The following CUL2 variants were observed in gnomAD, a reference collection of about 807,000 sequenced individuals.
CUL2 encodes the protein cullin-2.
A neutral mutation model predicts 110.2 loss-of-function variants in CUL2; 22 were observed. That is an observed-to-expected ratio of 0.20 (90% CI 0.14 to 0.28). CUL2 has a LOEUF of 0.28. Among genes scored for constraint, CUL2 ranks in the 10% least tolerant of loss-of-function variants. CUL2 has a pLI of 1.00. For synonymous variants in CUL2, 279 were observed against 293.2 expected, an observed-to-expected ratio of 0.95 and a Z score of 0.49; for missense variants, 631 against 905.5, an observed-to-expected ratio of 0.70 and a Z score of 3.89.
At chr10:35,071,610 G>A (rs945017800) in intron 1 of CUL2, among the ~76,000 whole-genome samples, 10 of 152,106 alleles carry the variant, frequency 6.6e-5, no homozygotes, top group Admixed American at 3.9e-4. Flanking sequence ...GGGTTTCACT[G>A]TGTTAGCCAG....
intron 1 of CUL2, among the ~76,000 whole-genome samples, chr10:35,086,565 G>C (rs1163928457): frequency 1.3e-5 from 2 of 152,052 alleles, no homozygotes; most frequent in African/African-American, 4.8e-5. Context: ...GGGATTACAG[G>C]CCTGAGCCAC....
chr10:35,082,624 A>C (rs1013003381), intron 1 of CUL2, among the ~76,000 whole-genome samples: 7 of 152,214 alleles, frequency 4.6e-5, no homozygotes, highest in African/African-American at 1.7e-4. Flanking sequence ...CTGATGTCAG[A>C]GAAGTATCTG....
chr10:35,087,575 C>G (rs961446715), intron 1 of CUL2, among the ~76,000 whole-genome samples: 1 of 152,124 alleles, frequency 6.6e-6, no homozygotes, highest in Non-Finnish European at 1.5e-5. Flanking sequence ...CCAACCCCAT[C>G]CCATACAACA....
chr10:35,085,696 C>CA (rs1263412257), intron 1 of CUL2, among the ~76,000 whole-genome samples: 1,983 of 54,666 alleles, frequency 0.036, 43 homozygotes, highest in South Asian at 0.047. Flanking sequence ...GACTCTGTCT[C>CA]AAAAAAAAAA....
intron 9 of CUL2, among the ~76,000 whole-genome samples, chr10:35,035,557 A>G (rs2085600842): frequency 6.6e-6 from 1 of 152,176 alleles, no homozygotes; most frequent in Admixed American, 6.5e-5. Context: ...AATACAGTGT[A>G]CTGTATTTTG....
chr10:35,077,978 CT>C (rs939998644), intron 1 of CUL2, among the ~76,000 whole-genome samples: 2 of 151,914 alleles, frequency 1.3e-5, no homozygotes, highest in African/African-American at 4.8e-5. Flanking sequence ...TTACAATATT[CT>C]TTTTTTGTAT....
intron 11 of CUL2, among the ~76,000 whole-genome samples, chr10:35,032,769 C>G (rs1484227307): frequency 3.3e-5 from 5 of 151,976 alleles, no homozygotes. Context: ...TAAAAAAAAA[C>G]TTACAATCTT....
chr10:35,074,914 G>C (rs980618189), intron 1 of CUL2, among the ~76,000 whole-genome samples: 2 of 152,192 alleles, frequency 1.3e-5, no homozygotes, highest in African/African-American at 4.8e-5. Flanking sequence ...GTAATTACCT[G>C]AGTGTTTCTG....
At chr10:35,041,290 CAA>C (rs1418739120) in intron 8 of CUL2, among the ~76,000 whole-genome samples, 2 of 152,078 alleles carry the variant, frequency 1.3e-5, no homozygotes. Flanking sequence ...AAAAATAAAA[CAA>C]TGATAACTTG....
intron 1 of CUL2, among the ~76,000 whole-genome samples, chr10:35,074,504 C>CT (rs892594917): frequency 2.0e-5 from 3 of 151,530 alleles, no homozygotes; most frequent in East Asian, 3.9e-4. Context: ...GGTCCACTAG[C>CT]TTTTTTTTTG....
intron 1 of CUL2, among the ~76,000 whole-genome samples, chr10:35,124,484 C>A (rs1166354530): frequency 2.6e-5 from 4 of 151,522 alleles, no homozygotes; most frequent in Non-Finnish European, 5.9e-5. Context: ...AAATAACAAA[C>A]AAATGGGTGG....
chr10:35,054,615 A>AAT, intron 4 of CUL2, 76 bp from the exon 5 acceptor site: 1 of 716,296 alleles, frequency 1.4e-6, no homozygotes, highest in South Asian at 2.0e-5. Context: ...ACTTTAGAAG[A>AAT]ATATTTTTAA....
chr10:35,117,361 G>A (rs541176764), intron 1 of CUL2, among the ~76,000 whole-genome samples: 5 of 152,156 alleles, frequency 3.3e-5, no homozygotes, highest in South Asian at 2.1e-4. Flanking sequence ...CTCAGCTCTC[G>A]AGTATTGGGA....
intron 17 of CUL2, among the ~76,000 whole-genome samples, chr10:35,017,061 C>G (rs12268745): frequency 0.34 from 51,247 of 151,720 alleles, 8,682 homozygotes; most frequent in Non-Finnish European, 0.35. Context: ...AGACAAAGGG[C>G]AAAGTGATAT....
chr10:35,035,929 A>G (rs576828530), intron 9 of CUL2, among the ~76,000 whole-genome samples: 1 of 152,240 alleles, frequency 6.6e-6, no homozygotes, highest in South Asian at 2.1e-4. Context: ...ATGATCTCTC[A>G]GTGTAGTAGG....
At chr10:35,011,341 G>A (rs2084897717) in intron 20 of CUL2, among the ~76,000 whole-genome samples, 1 of 151,660 alleles carries the variant, frequency 6.6e-6, no homozygotes, top group Non-Finnish European at 1.5e-5. Flanking sequence ...GTGTCCACTG[G>A]GCATGGTGGC....
intron 1 of CUL2, among the ~76,000 whole-genome samples, chr10:35,075,108 G>A (rs2086781590): frequency 6.6e-6 from 1 of 152,146 alleles, no homozygotes; most frequent in African/African-American, 2.4e-5. Flanking sequence ...GAGACTGATA[G>A]ATTTCTGGTA....
In CUL2 at chr10:35,016,265, A is replaced by T; in HGVS notation, c.1814T>A (p.Met605Lys). The T allele has an allele frequency of 6.2e-7, 1 of 1,614,028 alleles. No homozygotes were observed. The highest frequency in any genetic ancestry group is 8.5e-7 in the Non-Finnish European group (1 of 1,179,970). ...TGTTTTTGTCAGTTCCTTTTCATTC[A>T]TCTGAGTGCTGTCCTGAAGCTCTTT... is the stretch of plus-strand genomic sequence containing the variant. ...SYKELQDSTQ[M>K]NEKELTKTIK... Residue 605 changes from methionine to lysine, a missense_variant, in exon 18 of 21, where the codon ATG (methionine) becomes AAG (lysine). Met to Lys is a moderately conservative substitution (Grantham distance 95). This residue lies in a region of CUL2 where 159 missense variants were observed against 202.7 expected (regional missense o/e 0.78). Transcript: ENST00000374749.
At chr10:35,048,679 C>T (rs2086013597) in intron 6 of CUL2, among the ~76,000 whole-genome samples, 1 of 152,180 alleles carries the variant, frequency 6.6e-6, no homozygotes, top group African/African-American at 2.4e-5. Context: ...TTCAGTATTG[C>T]CTTTCCTCTC....
Sources: gnomAD v4.1 joint callset for allele counts (sites outside exome capture counted in the v4.1 genomes callset) on GRCh38, gnomAD v4.1.1 for gene constraint, gnomAD v4.1.1 regional missense constraint, MANE v1.5 for transcripts, NCBI Gene and HGNC (gene_info 2026-07-23, HGNC 2026-07-21) for gene names.